The following ADCY2 variants were observed in gnomAD, a reference collection of about 807,000 sequenced individuals.
ADCY2 encodes the protein adenylate cyclase 2.
A neutral mutation model predicts 125.2 loss-of-function variants in ADCY2; 31 were observed. That is an observed-to-expected ratio of 0.25 (90% CI 0.19 to 0.33). The LOEUF is 0.33. Among genes scored for constraint, ADCY2 ranks in the 10% least tolerant of loss-of-function variants. The pLI, the probability that ADCY2 is intolerant of heterozygous loss-of-function variation, is 1.00. For synonymous variants in ADCY2, 512 were observed against 548.4 expected, an observed-to-expected ratio of 0.93 and a Z score of 0.93; for missense variants, 904 against 1,418.2, an observed-to-expected ratio of 0.64 and a Z score of 5.82.
chr5:7,702,274 A>G (rs1741106843), intron 7 of ADCY2, among the ~76,000 whole-genome samples: 1 of 150,270 alleles, frequency 6.7e-6, no homozygotes, highest in Non-Finnish European at 1.5e-5. Context: ...ACATGTGCAC[A>G]AAGTACAGAT....
chr5:7,577,769 G>A (rs1318014342), intron 3 of ADCY2, among the ~76,000 whole-genome samples: 1 of 152,122 alleles, frequency 6.6e-6, no homozygotes, highest in Admixed American at 6.5e-5. Context: ...TAAAACAGTA[G>A]AAAAGGTGAA....
rs59566992 is a variant in ADCY2, at chr5:7,636,965, G to A, written c.720+10649G>A. Among the ~76,000 whole-genome samples the A allele has an allele frequency of 7.9e-3, 1,205 of 152,296 alleles. 18 individuals are homozygous for A. Among genetic ancestry groups the A allele is most frequent in the African/African-American group, 0.027 (1,126 of 41,558 alleles). On this transcript the variant is annotated intron_variant, in intron 4 of 24. Coordinates refer to ENST00000338316, the MANE Select transcript of ADCY2 (RefSeq NM_020546.3). ...CAGAGAAGAGGAGCCAAGAAATGCC[G>A]CGGGGTTTGTTTGTTCAAGATTTTC... is the stretch of plus-strand genomic sequence containing the variant.
chr5:7,688,437 T>A (rs1203683248), intron 4 of ADCY2, among the ~76,000 whole-genome samples: 3 of 151,352 alleles, frequency 2.0e-5, no homozygotes, highest in African/African-American at 7.3e-5. Flanking sequence ...CCAGCTAATT[T>A]TTTTTATTTT....
intron 3 of ADCY2, among the ~76,000 whole-genome samples, chr5:7,586,752 G>A (rs73048176): frequency 0.028 from 4,271 of 152,202 alleles, 189 homozygotes; most frequent in African/African-American, 0.097. Context: ...TGTGGACTGT[G>A]ATAGGTGAGC....
At chr5:7,452,473 T>C (rs1432282169) in intron 2 of ADCY2, among the ~76,000 whole-genome samples, 2 of 152,242 alleles carry the variant, frequency 1.3e-5, no homozygotes. Flanking sequence ...TTGGTGTATG[T>C]ATATCACATT....
chr5:7,584,816 G>A (rs1736569409), intron 3 of ADCY2, among the ~76,000 whole-genome samples: 2 of 152,108 alleles, frequency 1.3e-5, no homozygotes, highest in Admixed American at 6.5e-5. Context: ...ACTTTGTGAT[G>A]ATGCACTTTT....
At chr5:7,657,765 T>G (rs1283349303) in intron 4 of ADCY2, among the ~76,000 whole-genome samples, 1 of 152,190 alleles carries the variant, frequency 6.6e-6, no homozygotes, top group Non-Finnish European at 1.5e-5. Context: ...ACCATGAGGT[T>G]TCCGGGGGTC....
At chr5:7,720,145 C>T (rs189043275) in intron 12 of ADCY2, among the ~76,000 whole-genome samples, 48 of 152,264 alleles carry the variant, frequency 3.2e-4, no homozygotes, top group African/African-American at 1.2e-3. Context: ...AAATCAAGCA[C>T]ACACACATTC....
intron 4 of ADCY2, among the ~76,000 whole-genome samples, chr5:7,671,174 T>A (rs1450143277): frequency 6.6e-6 from 1 of 152,240 alleles, no homozygotes; most frequent in Non-Finnish European, 1.5e-5. Context: ...CTTCTTTATT[T>A]GTATAACAAG....
intron 22 of ADCY2, among the ~76,000 whole-genome samples, chr5:7,814,059 A>G (rs571688927): frequency 6.6e-6 from 1 of 152,276 alleles, no homozygotes; most frequent in South Asian, 2.1e-4. Flanking sequence ...GATAGAAAAG[A>G]CTAACTGTTG....
chr5:7,518,272 A>G (rs1744320825), intron 2 of ADCY2, among the ~76,000 whole-genome samples: 2 of 152,150 alleles, frequency 1.3e-5, no homozygotes, highest in East Asian at 1.9e-4. Flanking sequence ...GAACTCATGC[A>G]TGTTCCTTCC....
At chr5:7,711,150 G>C (rs1234467861) in intron 10 of ADCY2, among the ~76,000 whole-genome samples, 2 of 152,176 alleles carry the variant, frequency 1.3e-5, no homozygotes, top group Non-Finnish European at 2.9e-5. Flanking sequence ...GAATGTGAAC[G>C]TGATCAGGTT....
At chr5:7,762,414 TCTGA>T (rs1431626936) in intron 16 of ADCY2, among the ~76,000 whole-genome samples, 11 of 152,304 alleles carry the variant, frequency 7.2e-5, no homozygotes, top group African/African-American at 1.9e-4. Flanking sequence ...GCCCCTGAGC[TCTGA>T]CTGTGTGAGG....
chr5:7,581,586 G>A (rs1040425146), intron 3 of ADCY2, among the ~76,000 whole-genome samples: 2 of 152,018 alleles, frequency 1.3e-5, no homozygotes, highest in East Asian at 1.9e-4. Context: ...TTGGGGGGCC[G>A]AAGTGGGCAG....
At position 7,558,570 on chromosome 5, in the gene ADCY2, T is replaced by C. The variant is rs190833181; in HGVS notation, c.570+37671T>C. 8.5e-3 allele frequency among the ~76,000 whole-genome samples: 1,289 copies of C among 152,316 alleles called. 8 individuals carry two copies. The highest frequency in any genetic ancestry group is 0.012 in the Non-Finnish European group (836 of 68,026). ...CTTGTACATTTGTTTAAGTTCCTTA[T>C]AGATGCTGGATATTAGACCTCTGTT... On this transcript the variant is annotated intron_variant, in intron 3 of 24. Coordinates refer to ENST00000338316, the MANE Select transcript of ADCY2 (RefSeq NM_020546.3).
intron 3 of ADCY2, among the ~76,000 whole-genome samples, chr5:7,612,705 A>G (rs1484001442): frequency 6.6e-6 from 1 of 152,198 alleles, no homozygotes; most frequent in Non-Finnish European, 1.5e-5. Context: ...CAGTCACCCA[A>G]GGGCAACTGC....
chr5:7,696,151 A>G (rs1561172147), intron 6 of ADCY2, among the ~76,000 whole-genome samples: 1 of 152,144 alleles, frequency 6.6e-6, no homozygotes, highest in Non-Finnish European at 1.5e-5. Flanking sequence ...GTGAGATTCC[A>G]TTTGCAAATC....
intron 4 of ADCY2, among the ~76,000 whole-genome samples, chr5:7,639,918 T>C (rs1738635443): frequency 1.3e-5 from 2 of 152,192 alleles, no homozygotes; most frequent in Non-Finnish European, 2.9e-5. Context: ...TAGAAGTGAT[T>C]AGTCTCCTTC....
intron 20 of ADCY2, among the ~76,000 whole-genome samples, chr5:7,791,016 G>A (rs1227235266): frequency 6.7e-6 from 1 of 150,106 alleles, no homozygotes; most frequent in African/African-American, 2.4e-5. Context: ...CAGGATAAGA[G>A]TCAACAGAAC....
Sources: gnomAD v4.1 joint callset for allele counts (sites outside exome capture counted in the v4.1 genomes callset) on GRCh38, gnomAD v4.1.1 for gene constraint, MANE v1.5 for transcripts, NCBI Gene and HGNC (gene_info 2026-07-23, HGNC 2026-07-21) for gene names.